The following LY96 variants were observed in gnomAD, a reference collection of about 807,000 sequenced individuals.
The protein encoded by LY96 is lymphocyte antigen 96.
In LY96, 18 loss-of-function variants were observed where a neutral mutation model predicts 18.9. The ratio of observed to expected loss-of-function variants is 0.95; its 90% confidence interval spans 0.66 to 1.41. LY96 has a LOEUF of 1.41. LY96 is among the 40% of genes most tolerant of loss of function. LY96 has a pLI of 0.00. For missense variants in LY96, 175 were observed against 182.4 expected, an observed-to-expected ratio of 0.96 and a Z score of 0.23; for synonymous variants, 66 against 62.6, an observed-to-expected ratio of 1.06 and a Z score of -0.26.
chr8:74,080,984 C>CTT, the LY96 span, among the ~76,000 whole-genome samples: 38 of 105,236 alleles, frequency 3.6e-4, no homozygotes, highest in Admixed American at 6.3e-4. Context: ...TTCTTTCTCT[C>CTT]TCTTTCTTTC....
At chr8:74,095,521 G>A in the LY96 span, among the ~76,000 whole-genome samples, 2 of 152,102 alleles carry the variant, frequency 1.3e-5, no homozygotes, top group African/African-American at 2.4e-5. Flanking sequence ...GAAACTGCTC[G>A]TGAAGGTCAC....
At chr8:73,996,360 C>T (rs1189452366) in intron 1 of LY96, among the ~76,000 whole-genome samples, 23 of 116,832 alleles carry the variant, frequency 2.0e-4, no homozygotes, top group South Asian at 1.2e-3. Context: ...TTCCTTCCTT[C>T]CTTCCTTCAT....
rs1003205319 is a variant in LY96, at chr8:74,010,099, G to A, written c.301G>A (p.Asp101Asn). The A allele has an allele frequency of 3.7e-6, 6 of 1,613,116 alleles. No homozygotes were observed. In the African/African-American group the frequency reaches 4.0e-5, roughly 11 times the overall value. ...AGTTATTTGCCGAGGATCTGATGACGATTACTCTTTTTGCAGAGCTCTGAA... is the reference window on the plus strand; with the variant it reads ...AGTTATTTGCCGAGGATCTGATGACAATTACTCTTTTTGCAGAGCTCTGAA... The part of the protein sequence containing the change: ...KEVICRGSDD[D>N]YSFCRALKGE... The change falls in exon 3 of 5, where the codon GAT becomes AAT. Residue 101 changes from aspartate to asparagine, a missense_variant. Coordinates refer to ENST00000284818, the MANE Select transcript of LY96 (RefSeq NM_015364.5).
chr8:74,067,316 C>A, the LY96 span, among the ~76,000 whole-genome samples: 1 of 152,200 alleles, frequency 6.6e-6, no homozygotes, highest in Non-Finnish European at 1.5e-5. Context: ...ACTGTAGCCT[C>A]AACCTCCTGG....
At chr8:74,084,009 T>G in the LY96 span, among the ~76,000 whole-genome samples, 2 of 152,046 alleles carry the variant, frequency 1.3e-5, no homozygotes, top group Non-Finnish European at 2.9e-5. Context: ...ATCTACAGGT[T>G]TCCCCTCATG....
chr8:74,051,297 G>GCT, the LY96 span, among the ~76,000 whole-genome samples: 1 of 152,084 alleles, frequency 6.6e-6, no homozygotes, highest in Non-Finnish European at 1.5e-5. Flanking sequence ...TACACACCAG[G>GCT]CTTTGGTGTG....
At chr8:74,009,828 T>C (rs1816492963) in intron 2 of LY96, among the ~76,000 whole-genome samples, 173 bp from the exon 3 acceptor site, 1 of 152,180 alleles carries the variant, frequency 6.6e-6, no homozygotes, top group South Asian at 2.1e-4. Context: ...AGAACTTCAG[T>C]TTTCTCATCT....
the LY96 span, among the ~76,000 whole-genome samples, chr8:74,073,740 T>G: frequency 9.9e-5 from 15 of 152,036 alleles, no homozygotes; most frequent in Non-Finnish European, 1.6e-4. Context: ...CTCAGCTCAC[T>G]GCAACTTCTG....
the LY96 span, chr8:74,099,585 C>A: frequency 6.6e-6 from 1 of 152,192 alleles, no homozygotes; most frequent in Admixed American, 6.5e-5. Flanking sequence ...GCTAACACTG[C>A]CATTTTTTGT....
chr8:73,996,376 T>TTC (rs1563707881), intron 1 of LY96, among the ~76,000 whole-genome samples: 362 of 17,660 alleles, frequency 0.02, 1 homozygote, highest in South Asian at 0.031. Context: ...TTCATTCCTT[T>TTC]CTTTCTTTCT....
chr8:74,037,707 A>G, the LY96 span, among the ~76,000 whole-genome samples: 5 of 152,238 alleles, frequency 3.3e-5, no homozygotes, highest in African/African-American at 1.2e-4. Context: ...GGAGTCATTC[A>G]ATCACCCAAG....
intron 3 of LY96, among the ~76,000 whole-genome samples, chr8:74,025,241 G>GTGA (rs935156313): frequency 1.2e-4 from 18 of 152,218 alleles, no homozygotes; most frequent in Non-Finnish European, 2.9e-5. Context: ...CTTTCAATAA[G>GTGA]TGAGTTGTTG....
At chr8:74,069,403 C>A in the LY96 span, among the ~76,000 whole-genome samples, 5 of 152,054 alleles carry the variant, frequency 3.3e-5, no homozygotes, top group African/African-American at 9.7e-5. Flanking sequence ...GCCCTTCATG[C>A]ACATATCCTC....
At chr8:74,053,905 C>T in the LY96 span, among the ~76,000 whole-genome samples, 6 of 152,190 alleles carry the variant, frequency 3.9e-5, no homozygotes, top group Non-Finnish European at 7.3e-5. Flanking sequence ...TTCCCTCTTG[C>T]CATGTGATGT....
chr8:74,041,949 C>T, the LY96 span, among the ~76,000 whole-genome samples: 1 of 152,166 alleles, frequency 6.6e-6, no homozygotes, highest in Non-Finnish European at 1.5e-5. Flanking sequence ...CTTTTGAAAT[C>T]CTTAATAAAA....
At chr8:74,024,653 C>T (rs1816831223) in intron 3 of LY96, among the ~76,000 whole-genome samples, 1 of 152,036 alleles carries the variant, frequency 6.6e-6, no homozygotes, top group Non-Finnish European at 1.5e-5. Context: ...AGTTACACAC[C>T]AAGTAGAGGA....
At chr8:73,996,364 CCTTCA>C (rs1563707718) in intron 1 of LY96, among the ~76,000 whole-genome samples, 127 of 89,402 alleles carry the variant, frequency 1.4e-3, no homozygotes, top group South Asian at 3.6e-3. Context: ...TTCCTTCCTT[CCTTCA>C]TTCCTTTCTT....
chr8:73,995,135 CT>C (rs1303539477), intron 1 of LY96, among the ~76,000 whole-genome samples: 1 of 152,182 alleles, frequency 6.6e-6, no homozygotes, highest in Non-Finnish European at 1.5e-5. Flanking sequence ...ATGTCTCCTG[CT>C]TTTGCCCCCT....
chr8:74,042,041 C>T, the LY96 span, among the ~76,000 whole-genome samples: 1 of 152,172 alleles, frequency 6.6e-6, no homozygotes, highest in African/African-American at 2.4e-5. Context: ...TGTAAAATTC[C>T]TCTCTTTATT....
Sources: allele counts gnomAD v4.1 joint callset (sites outside exome capture counted in the v4.1 genomes callset), GRCh38; gene constraint gnomAD v4.1.1; transcripts MANE v1.5; gene names NCBI Gene and HGNC (gene_info 2026-07-23, HGNC 2026-07-21).